Variants in NOTCH2 observed in about 807,000 individuals in gnomAD.
NOTCH2 encodes the protein neurogenic locus notch homolog protein 2.
In NOTCH2, 29 loss-of-function variants were observed where a neutral mutation model predicts 235.8. That is an observed-to-expected ratio of 0.12 (90% CI 0.09 to 0.17). NOTCH2 has a LOEUF of 0.17. Ranked by LOEUF, NOTCH2 falls within the 10% of genes least tolerant of loss-of-function variation. NOTCH2 has a pLI of 1.00. For missense variants in NOTCH2, 2,285 were observed against 3,150.2 expected, an observed-to-expected ratio of 0.73 and a Z score of 6.57; for synonymous variants, 1,086 against 1,141.5, an observed-to-expected ratio of 0.95 and a Z score of 0.98.
At chr1:119,932,990 A>G (rs1649721730) in intron 22 of NOTCH2, among the ~76,000 whole-genome samples, 1 of 152,226 alleles carries the variant, frequency 6.6e-6, no homozygotes, top group Non-Finnish European at 1.5e-5. Flanking sequence ...GCATATATGC[A>G]TATATCACCT....
intron 3 of NOTCH2, among the ~76,000 whole-genome samples, chr1:120,003,494 G>A (rs1221159793): frequency 6.6e-6 from 1 of 151,632 alleles, no homozygotes; most frequent in Non-Finnish European, 1.5e-5. Context: ...TAATATAACA[G>A]TATTCTACAC....
chr1:119,940,933 T>A (rs781985617), intron 18 of NOTCH2, among the ~76,000 whole-genome samples, 177 bp from the exon 19 acceptor site: 11 of 152,228 alleles, frequency 7.2e-5, no homozygotes, highest in Non-Finnish European at 1.3e-4. Flanking sequence ...GCCCACTTCC[T>A]TTCTATAATC....
chr1:119,945,841 C>T (rs1266873363), intron 17 of NOTCH2, among the ~76,000 whole-genome samples: 2 of 151,844 alleles, frequency 1.3e-5, no homozygotes, highest in Non-Finnish European at 1.5e-5. Flanking sequence ...AATAAGTAGA[C>T]AGAAAGTCAT....
intron 5 of NOTCH2, among the ~76,000 whole-genome samples, chr1:119,980,412 G>T (rs1553201510): frequency 1.3e-5 from 2 of 152,252 alleles, no homozygotes; most frequent in South Asian, 2.1e-4. Flanking sequence ...TCAATGAGAT[G>T]AATAAAGTTT....
intron 17 of NOTCH2, among the ~76,000 whole-genome samples, chr1:119,943,817 G>A (rs1395110338): frequency 3.3e-5 from 5 of 151,930 alleles, no homozygotes; most frequent in East Asian, 1.9e-4. Flanking sequence ...AGAAAACAAC[G>A]ATACTCAATA....
intron 7 of NOTCH2, 44 bp from the exon 8 acceptor site, chr1:119,967,665 T>A (rs1553199857): frequency 6.4e-7 from 1 of 1,563,922 alleles, no homozygotes; most frequent in South Asian, 1.1e-5. Flanking sequence ...AGCAGTTGAG[T>A]TTCCACAAAT....
intron 1 of NOTCH2, among the ~76,000 whole-genome samples, chr1:120,030,268 GC>G: frequency 6.6e-6 from 1 of 151,818 alleles, no homozygotes; most frequent in African/African-American, 2.4e-5. Flanking sequence ...AAAAATTAAA[GC>G]CATACCATCT....
At chr1:120,036,753 AAAC>A (rs2101351686) in intron 1 of NOTCH2, among the ~76,000 whole-genome samples, 1 of 141,592 alleles carries the variant, frequency 7.1e-6, no homozygotes, top group African/African-American at 2.6e-5. Flanking sequence ...TAAAAACTGC[AAAC>A]AACAGAATAA....
chr1:119,950,900 C>T, intron 14 of NOTCH2, 63 bp from the exon 15 acceptor site: 2 of 1,047,068 alleles, frequency 1.9e-6, no homozygotes, highest in South Asian at 1.3e-5. Context: ...CAATTTCTAA[C>T]CAATTCTCTT....
At chr1:120,066,092 T>G (rs1655494141) in intron 1 of NOTCH2, among the ~76,000 whole-genome samples, 1 of 152,026 alleles carries the variant, frequency 6.6e-6, no homozygotes, top group African/African-American at 2.4e-5. Context: ...ATGAAGCCCT[T>G]CTAAAGGGTC....
At chr1:120,037,085 A>G (rs1553212018) in intron 1 of NOTCH2, among the ~76,000 whole-genome samples, 1 of 152,094 alleles carries the variant, frequency 6.6e-6, no homozygotes, top group Admixed American at 6.6e-5. Flanking sequence ...GCTTCTTCAA[A>G]TAAGCCTCTG....
At chr1:119,938,841 C>T (rs782271684) in intron 19 of NOTCH2, among the ~76,000 whole-genome samples, 4 of 152,066 alleles carry the variant, frequency 2.6e-5, no homozygotes, top group South Asian at 4.1e-4. Flanking sequence ...CTACCACACC[C>T]GGCTAATTTT....
chr1:119,937,594 A>G, intron 20 of NOTCH2, 128 bp from the exon 21 acceptor site: 1 of 907,880 alleles, frequency 1.1e-6, no homozygotes, highest in South Asian at 1.4e-5. Flanking sequence ...GTTCTTCACA[A>G]CCCTCAGTAC....
rs1649009692 is a variant in NOTCH2 at position 119,914,863 on chromosome 1, AAGG to A, written c.*440_*442del. On this transcript the variant is annotated 3_prime_UTR_variant, in exon 34 of 34. Coordinates refer to ENST00000256646, the MANE Select transcript of NOTCH2 (RefSeq NM_024408.4). ...ACCAAATGAAGACAAAAGAATGTCCAAGGAGGAGGAGATGCGTAGGTCAATTCA... is the reference window on the plus strand; with the variant it reads ...ACCAAATGAAGACAAAAGAATGTCCAAGGAGGAGATGCGTAGGTCAATTCA... 3.0e-6 allele frequency: 1 copy of A among 331,380 alleles called. No individual in the cohort carries two copies. The highest frequency in any genetic ancestry group is 5.6e-6 in the Non-Finnish European group (1 of 178,354). The allele number at this position is 331,380 out of a possible 1,614,324, so 20.5% of individuals were successfully genotyped here.
chr1:119,955,698 G>A (rs1650668437), intron 12 of NOTCH2, among the ~76,000 whole-genome samples: 1 of 152,158 alleles, frequency 6.6e-6, no homozygotes, highest in Non-Finnish European at 1.5e-5. Context: ...CTTAATGAAT[G>A]GGCTAGTAAC....
chr1:119,955,146 G>A lies in NOTCH2; in HGVS notation c.2113C>T (p.Arg705Cys), dbSNP rs1417773889. 7.4e-6 allele frequency: 12 copies of A among 1,613,998 alleles called. No homozygotes were observed. Among genetic ancestry groups the A allele is most frequent in the African/African-American group, 2.7e-5 (2 of 74,898 alleles). The change falls in exon 13 of 34, where the codon CGC becomes TGC. Residue 705 changes from arginine (R) to cysteine (C), a missense_variant. Arg to Cys is a radical substitution (Grantham distance 180). Around this residue, in one of 6 missense-constraint regions of NOTCH2, gnomAD observed 1,173 missense variants for 1,515.3 expected, o/e 0.77. Coordinates refer to ENST00000256646, the MANE Select transcript of NOTCH2 (RefSeq NM_024408.4). ...TGGGGTCCCTCGGGGCATATACAGC[G>A]GAAACCATTCACACCGTTGATACAT... is the stretch of plus-strand genomic sequence containing the variant. ...ATCINGVNGF[R>C]CICPEGPHHP...
chr1:119,958,249 A>G (rs912067255), intron 12 of NOTCH2, among the ~76,000 whole-genome samples: 1 of 152,196 alleles, frequency 6.6e-6, no homozygotes, highest in Non-Finnish European at 1.5e-5. Context: ...ATTGGGTATG[A>G]CAGTTTTCAT....
chr1:119,912,961 C>T lies in NOTCH2; in HGVS notation c.*2345G>A, dbSNP rs761327061. 4.3e-6 allele frequency: 1 copy of T among 233,364 alleles called. No homozygotes were observed. Among genetic ancestry groups the T allele is most frequent in the Non-Finnish European group, 8.5e-6 (1 of 117,970 alleles). The allele number at this position is 233,364 out of a possible 1,614,324, so 14.5% of individuals were successfully genotyped here. ...AAAAGAAACAAGCAATTTGGTCTGA[C>T]ATTGTGCTTAAGGAAAAGGGAGGAT... On this transcript the variant is annotated 3_prime_UTR_variant, in exon 34 of 34. Coordinates refer to ENST00000256646, the MANE Select transcript of NOTCH2 (RefSeq NM_024408.4).
chr1:119,978,608 G>A (rs1190581076), intron 5 of NOTCH2, among the ~76,000 whole-genome samples: 4 of 152,224 alleles, frequency 2.6e-5, no homozygotes, highest in African/African-American at 9.6e-5. Flanking sequence ...CTCAGCCACT[G>A]GGTGGATTGC....
Sources: allele counts gnomAD v4.1 joint callset (sites outside exome capture counted in the v4.1 genomes callset), GRCh38; gene constraint gnomAD v4.1.1; regional missense constraint gnomAD v4.1.1; transcripts MANE v1.5; gene names NCBI Gene and HGNC (gene_info 2026-07-23, HGNC 2026-07-21).